Variants in ZNF264 observed in about 807,000 individuals in gnomAD.
ZNF264 encodes the protein zinc finger protein 264.
A neutral mutation model predicts 11.2 loss-of-function variants in ZNF264; 11 were observed. That is an observed-to-expected ratio of 0.98 (90% CI 0.62 to 1.63). The LOEUF (loss-of-function observed/expected upper bound fraction) is 1.63. ZNF264 is among the 40% of genes most tolerant of loss of function. ZNF264 has a pLI of 0.00. For synonymous variants in ZNF264, 309 were observed against 279.8 expected, an observed-to-expected ratio of 1.10 and a Z score of -1.04; for missense variants, 752 against 768.1, an observed-to-expected ratio of 0.98 and a Z score of 0.25.
At chr19:57,197,119 C>CA (rs2087217601) in intron 2 of ZNF264, among the ~76,000 whole-genome samples, 1 of 151,932 alleles carries the variant, frequency 6.6e-6, no homozygotes, top group African/African-American at 2.4e-5. Flanking sequence ...GGGAACTTCC[C>CA]ATGAGGCCAT....
intron 2 of ZNF264, chr19:57,194,234 G>C: frequency 3.7e-6 from 2 of 541,506 alleles, no homozygotes; most frequent in Non-Finnish European, 6.0e-6. Flanking sequence ...AAAGGAAATG[G>C]GGTGTTTTGC....
chr19:57,207,012 C>A (rs1403630204), intron 3 of ZNF264, among the ~76,000 whole-genome samples: 1 of 143,708 alleles, frequency 7.0e-6, no homozygotes, highest in African/African-American at 2.6e-5. Flanking sequence ...TGTGCAGTCC[C>A]TGTTCAGCCC....
intron 1 of ZNF264, chr19:57,192,203 G>A (rs2087178920): frequency 2.2e-6 from 1 of 446,008 alleles, no homozygotes; most frequent in African/African-American, 2.1e-5. Flanking sequence ...GCATTCTCTG[G>A]TGGACCAGGT....
chr19:57,208,169 A>G (rs1023099890), intron 3 of ZNF264, among the ~76,000 whole-genome samples: 6 of 152,240 alleles, frequency 3.9e-5, no homozygotes, highest in African/African-American at 9.6e-5. Context: ...GTTTCTTACA[A>G]TTGAAGAAAA....
At chr19:57,210,053 A>G (rs963275656) in intron 3 of ZNF264, among the ~76,000 whole-genome samples, 1 of 152,104 alleles carries the variant, frequency 6.6e-6, no homozygotes, top group African/African-American at 2.4e-5. Context: ...CATCAGTCAT[A>G]TCACCTTCAC....
intron 2 of ZNF264, among the ~76,000 whole-genome samples, chr19:57,204,522 G>A (rs998794160): frequency 6.6e-6 from 1 of 152,164 alleles, no homozygotes; most frequent in Non-Finnish European, 1.5e-5. Flanking sequence ...CCCTACGCAT[G>A]CCCTCTTGCC....
At chr19:57,207,349 G>A (rs2087300045) in intron 3 of ZNF264, among the ~76,000 whole-genome samples, 1 of 152,084 alleles carries the variant, frequency 6.6e-6, no homozygotes, top group Admixed American at 6.5e-5. Context: ...TGTATTGCTT[G>A]ATCAGCAGCC....
chr19:57,194,120 C>T (rs555335722), intron 2 of ZNF264, 119 bp downstream of exon 2: 2 of 1,386,300 alleles, frequency 1.4e-6, no homozygotes, highest in South Asian at 1.5e-5. Context: ...CTCTTTCCCA[C>T]AGCTTTAGTC....
rs946023472 is a variant in ZNF264, at chr19:57,218,408, T to C, written c.*5427T>C. ...TCAAAGTGTTTTTCATTGTCTCTAG[T>C]GTTCAGAAGTTTGGCTGTGATGTGC... On this transcript the variant is annotated 3_prime_UTR_variant, in exon 4 of 4. Coordinates refer to ENST00000263095, the MANE Select transcript of ZNF264 (RefSeq NM_003417.5). 1 of 152,298 alleles carries C rather than the reference T, an allele frequency of 6.6e-6. No individual in the cohort carries two copies. The highest frequency in any genetic ancestry group is 2.4e-5 in the African/African-American group (1 of 41,458). 9.4% of individuals were successfully genotyped at this position (152,298 alleles called of 1,614,324 possible). A position where few individuals can be genotyped will look rare whatever the true frequency, so the allele number is the denominator to read the frequency against.
rs1279240222 is a variant in ZNF264, at chr19:57,221,481, A to G, written c.*8500A>G. The G allele has an allele frequency of 1.3e-5, 2 of 152,246 alleles. No individual in the cohort carries two copies. The highest frequency in any genetic ancestry group is 2.4e-5 in the African/African-American group (1 of 41,462). The allele number at this position is 152,246 out of a possible 1,614,324, so 9.4% of individuals were successfully genotyped here. ...CAGGTCTCAGCATTCTGTCATACTCAACAGCTATGATTTACTGCAGCAAAA... is the reference window on the plus strand; with the variant it reads ...CAGGTCTCAGCATTCTGTCATACTCGACAGCTATGATTTACTGCAGCAAAA... On this transcript the variant is annotated 3_prime_UTR_variant, in exon 4 of 4. Transcript: ENST00000263095.
At chr19:57,206,330 G>A (rs11880178) in intron 3 of ZNF264, among the ~76,000 whole-genome samples, 1,823 of 152,014 alleles carry the variant, frequency 0.012, 24 homozygotes, top group African/African-American at 0.041. Flanking sequence ...TGCAAGCTCC[G>A]CCTCCCGGGT....
At chr19:57,193,804 A>G (rs757125221) in intron 1 of ZNF264, 71 bp from the exon 2 acceptor site, 172 of 1,584,832 alleles carry the variant, frequency 1.1e-4, no homozygotes, top group Non-Finnish European at 1.4e-4. Flanking sequence ...CACCTTTTCC[A>G]GTGGAGCACA....
At chr19:57,208,201 A>G (rs1255090035) in intron 3 of ZNF264, among the ~76,000 whole-genome samples, 1 of 152,236 alleles carries the variant, frequency 6.6e-6, no homozygotes, top group Non-Finnish European at 1.5e-5. Context: ...CTTGTGGCTC[A>G]TGATATATTT....
intron 2 of ZNF264, among the ~76,000 whole-genome samples, chr19:57,204,514 C>T (rs1599950405): frequency 1.3e-5 from 2 of 152,164 alleles, no homozygotes; most frequent in East Asian, 3.9e-4. Flanking sequence ...GGGGGTTCCC[C>T]TACGCATGCC....
intron 3 of ZNF264, among the ~76,000 whole-genome samples, chr19:57,209,094 A>G (rs2087315259): frequency 6.6e-6 from 1 of 152,032 alleles, no homozygotes. Context: ...ATATATGCTG[A>G]AAAATATTTT....
intron 1 of ZNF264, chr19:57,192,310 G>A (rs1485330308): frequency 1.0e-6 from 1 of 983,522 alleles, no homozygotes; most frequent in Non-Finnish European, 1.2e-6. Flanking sequence ...TATGTTGTAT[G>A]TTTAAGGAGG....
intron 3 of ZNF264, among the ~76,000 whole-genome samples, chr19:57,207,974 C>T (rs2087306504): frequency 6.6e-6 from 1 of 152,060 alleles, no homozygotes; most frequent in Non-Finnish European, 1.5e-5. Context: ...GATCCACCCG[C>T]CTTGGCCTTC....
In ZNF264 at chr19:57,220,237, G is replaced by C; in HGVS notation, c.*7256G>C. 1 of 152,178 alleles carries C rather than the reference G, an allele frequency of 6.6e-6. No homozygotes were observed. Among genetic ancestry groups the C allele is most frequent in the East Asian group, 1.9e-4 (1 of 5,194 alleles). 9.4% of individuals were successfully genotyped at this position (152,178 alleles called of 1,614,324 possible). On this transcript the variant is annotated 3_prime_UTR_variant, in exon 4 of 4. Transcript: ENST00000263095. ...TTTTTACTAAAGTTGATTCAACAAT[G>C]CTATAATCTGTTACTCTCATTCGAC...
chr19:57,198,941 T>C (rs1259956434), intron 2 of ZNF264, among the ~76,000 whole-genome samples: 1 of 151,898 alleles, frequency 6.6e-6, no homozygotes. Context: ...GGGCCATGAT[T>C]CTGTTTTTGT....
Sources: gnomAD v4.1 joint callset for allele counts (sites outside exome capture counted in the v4.1 genomes callset) on GRCh38, gnomAD v4.1.1 for gene constraint, MANE v1.5 for transcripts, NCBI Gene and HGNC (gene_info 2026-07-23, HGNC 2026-07-21) for gene names.